The following TMEM144 variants were observed in gnomAD, a reference collection of about 807,000 sequenced individuals.
TMEM144 encodes transmembrane protein 144.
In TMEM144, 39 loss-of-function variants were observed where a neutral mutation model predicts 43.6. The observed-to-expected ratio is 0.90, with a 90% CI of 0.69 to 1.17. TMEM144 has a LOEUF of 1.17. TMEM144 is among the 50% of genes most tolerant of loss of function. The pLI, the probability that TMEM144 is intolerant of heterozygous loss-of-function variation, is 0.00. For synonymous variants in TMEM144, 154 were observed against 133.6 expected (o/e 1.15, Z -1.06); for missense variants, 417 against 411.9 (o/e 1.01, Z -0.11).
chr4:158,245,168 A>G (rs1327837653), intron 12 of TMEM144, among the ~76,000 whole-genome samples: 1 of 150,836 alleles, frequency 6.6e-6, no homozygotes, highest in Non-Finnish European at 1.5e-5. Context: ...TTCAAATGTA[A>G]ATGATGGGAA....
intron 6 of TMEM144, among the ~76,000 whole-genome samples, chr4:158,229,818 TG>T (rs746019029): frequency 8.0e-4 from 122 of 152,184 alleles, no homozygotes; most frequent in Non-Finnish European, 1.5e-3. Flanking sequence ...GAACACTTCT[TG>T]GGGATCAAGC....
At chr4:158,222,086 T>C (rs766006479) in intron 6 of TMEM144, among the ~76,000 whole-genome samples, 7 of 150,414 alleles carry the variant, frequency 4.7e-5, no homozygotes, top group Non-Finnish European at 1.0e-4. Context: ...GTAAAAAAAA[T>C]TTTGAATGTT....
intron 12 of TMEM144, among the ~76,000 whole-genome samples, chr4:158,251,918 A>T (rs1419011205): frequency 6.6e-6 from 1 of 152,172 alleles, no homozygotes; most frequent in Non-Finnish European, 1.5e-5. Context: ...AAATAAATAA[A>T]TTAGACTCTT....
chr4:158,218,661 A>T (rs1410950410), intron 5 of TMEM144, among the ~76,000 whole-genome samples: 2 of 152,172 alleles, frequency 1.3e-5, no homozygotes, highest in Admixed American at 6.5e-5. Flanking sequence ...GTCTACTCCA[A>T]ATATTATACA....
At chr4:158,241,227 C>T (rs147807536) in intron 10 of TMEM144, among the ~76,000 whole-genome samples, 1 of 151,762 alleles carries the variant, frequency 6.6e-6, no homozygotes. Context: ...TTCAGTATGT[C>T]CCCTAGTCCC....
At chr4:158,221,948 C>T (rs1249661239) in intron 6 of TMEM144, among the ~76,000 whole-genome samples, 1 of 152,208 alleles carries the variant, frequency 6.6e-6, no homozygotes, top group Non-Finnish European at 1.5e-5. Flanking sequence ...AATTACTTTT[C>T]TTACTGGACC....
intron 12 of TMEM144, among the ~76,000 whole-genome samples, chr4:158,249,412 G>T (rs1014264604): frequency 1.3e-5 from 2 of 152,152 alleles, no homozygotes; most frequent in African/African-American, 4.8e-5. Flanking sequence ...TATTATCTTA[G>T]TAGAAATCCA....
intron 10 of TMEM144, 96 bp downstream of exon 10, chr4:158,240,514 C>G (rs534906136): frequency 7.4e-7 from 1 of 1,342,710 alleles, no homozygotes; most frequent in Admixed American, 2.2e-5. Flanking sequence ...AAGCCATCCT[C>G]TGTGTGTATA....
At chr4:158,253,127 T>C (rs939432235) in intron 12 of TMEM144, among the ~76,000 whole-genome samples, 2 of 152,188 alleles carry the variant, frequency 1.3e-5, no homozygotes, top group Non-Finnish European at 2.9e-5. Context: ...ACAACCATGG[T>C]GGTTTGCTTT....
chr4:158,217,279 T>A (rs764874981), intron 4 of TMEM144, 42 bp from the exon 5 acceptor site: 1 of 1,324,592 alleles, frequency 7.5e-7, no homozygotes, highest in Non-Finnish European at 1.1e-6. Flanking sequence ...ATGTATTTTC[T>A]ATATGGAAAT....
chr4:158,216,179 C>T (rs1734211688), intron 4 of TMEM144, among the ~76,000 whole-genome samples: 1 of 152,146 alleles, frequency 6.6e-6, no homozygotes, highest in Non-Finnish European at 1.5e-5. Context: ...GACTAAGCAT[C>T]CATCCATCCT....
chr4:158,218,540 C>T (rs545535821), intron 5 of TMEM144, among the ~76,000 whole-genome samples: 2 of 152,188 alleles, frequency 1.3e-5, no homozygotes, highest in South Asian at 4.2e-4. Context: ...TTTCCTCTTG[C>T]CCCTGGATGG....
intron 11 of TMEM144, among the ~76,000 whole-genome samples, chr4:158,243,222 A>G (rs1369356907): frequency 6.6e-6 from 1 of 152,172 alleles, no homozygotes; most frequent in African/African-American, 2.4e-5. Flanking sequence ...AAAGACCCAT[A>G]TGCTTCTTGT....
intron 6 of TMEM144, among the ~76,000 whole-genome samples, chr4:158,220,438 A>T (rs1161657802): frequency 2.6e-5 from 4 of 152,190 alleles, no homozygotes; most frequent in African/African-American, 9.7e-5. Flanking sequence ...AGGCCAGTTT[A>T]CCCAGTCTAT....
intron 6 of TMEM144, among the ~76,000 whole-genome samples, chr4:158,226,320 A>G (rs375015992): frequency 2.8e-4 from 42 of 152,230 alleles, no homozygotes; most frequent in African/African-American, 9.9e-4. Flanking sequence ...GTAAGATTTT[A>G]TAGACTCTTT....
intron 6 of TMEM144, among the ~76,000 whole-genome samples, chr4:158,224,082 CT>C (rs1329805371): frequency 6.6e-6 from 1 of 151,926 alleles, no homozygotes; most frequent in African/African-American, 2.4e-5. Flanking sequence ...TATTGTTTCT[CT>C]TTTTTTTAAT....
Position 158,246,550 on chromosome 4 carries a change from AT to A in TMEM144, c.954+2209del, listed in dbSNP as rs34358822. On this transcript the variant is annotated intron_variant, in intron 12 of 12. Transcript: ENST00000296529. The stretch of plus-strand genomic sequence containing the variant: ...TATGTGGACTATGATCAGAATTTTT[AT>A]TTTTTTTAAATACACAAGAACAACT... Among the ~76,000 whole-genome samples the A allele has an allele frequency of 6.1e-3, 927 of 152,058 alleles. 12 individuals carry two copies. Among genetic ancestry groups the A allele is most frequent in the African/African-American group, 0.02 (825 of 41,514 alleles).
At chr4:158,230,651 A>T (rs1735033071) in intron 6 of TMEM144, among the ~76,000 whole-genome samples, 1 of 151,600 alleles carries the variant, frequency 6.6e-6, no homozygotes. Context: ...AAATATATAT[A>T]TAATATATAT....
At chr4:158,232,575 G>A (rs1212558282) in intron 6 of TMEM144, among the ~76,000 whole-genome samples, 2 of 152,304 alleles carry the variant, frequency 1.3e-5, no homozygotes, top group African/African-American at 4.8e-5. Context: ...GAAGTTGGTC[G>A]ATATAATAGC....
Sources: gnomAD v4.1 joint callset for allele counts (sites outside exome capture counted in the v4.1 genomes callset) on GRCh38, gnomAD v4.1.1 for gene constraint, MANE v1.5 for transcripts, NCBI Gene and HGNC (gene_info 2026-07-23, HGNC 2026-07-21) for gene names.